DPP8: variants seen among roughly 807,000 people sequenced by gnomAD.
DPP8 encodes the protein dipeptidyl peptidase 8.
DPP8 carries 31 observed loss-of-function variants against 107.5 expected under a neutral mutation model. The observed-to-expected ratio is 0.29, with a 90% CI of 0.22 to 0.39. The LOEUF (loss-of-function observed/expected upper bound fraction) is 0.39, where lower values mean the gene tolerates loss of function less well. Among genes scored for constraint, DPP8 ranks in the 10% least tolerant of loss-of-function variants. The pLI is 1.00. For missense variants in DPP8, 842 were observed against 1,076.1 expected (o/e 0.78, Z 3.04); for synonymous variants, 381 against 356.6 (o/e 1.07, Z -0.77).
rs2063935875 is a variant in DPP8 at position 65,451,028 on chromosome 15, C to T, written c.2497G>A (p.Val833Met). ...AAATCATATGGCTTTCCAGCCCTCA[C>T]TAAAAAACTCAGTAATATACTGGTA... ...AHTSILLSFL[V>M]RAGKPYDLQI... Residue 833 changes from valine to methionine, a missense_variant, in exon 19 of 20, where the codon GTG becomes ATG. By Grantham distance (21) the Val-to-Met change is conservative. This residue lies in a region of DPP8 where 179 missense variants were observed against 318.0 expected (regional missense o/e 0.56). Coordinates refer to ENST00000300141, the MANE Select transcript of DPP8 (RefSeq NM_130434.5). 1 of 1,609,290 alleles carries T rather than the reference C, an allele frequency of 6.2e-7. No homozygotes were observed. Among genetic ancestry groups the T allele is most frequent in the Non-Finnish European group, 8.5e-7 (1 of 1,176,314 alleles).
intron 12 of DPP8, among the ~76,000 whole-genome samples, chr15:65,473,306 C>A (rs1458706677): frequency 7.4e-6 from 1 of 134,614 alleles, no homozygotes; most frequent in Non-Finnish European, 1.5e-5. Context: ...ACCTGGGCGA[C>A]AGAGTGAGAC....
chr15:65,475,361 T>C, intron 11 of DPP8: 3 of 1,376,480 alleles, frequency 2.2e-6, no homozygotes, highest in South Asian at 1.2e-5. Flanking sequence ...AGTGTGGGCT[T>C]TGGAGGAACA....
rs767781396 is a variant in DPP8 at position 65,487,677 on chromosome 15, T to A, written c.955+13A>T. On this transcript the variant is annotated intron_variant, in intron 7 of 19. Transcript: ENST00000300141. ...GGAAATGAGTGAATATAAATGCCAA[T>A]GGAGTACAGTACCTGTTTTAGGATA... 1 of 1,600,302 alleles carries A rather than the reference T, an allele frequency of 6.2e-7. No individual in the cohort carries two copies. Among genetic ancestry groups the A allele is most frequent in the Admixed American group, 1.8e-5 (1 of 56,852 alleles).
intron 3 of DPP8, among the ~76,000 whole-genome samples, chr15:65,503,398 G>A (rs1242729048): frequency 6.6e-6 from 1 of 151,106 alleles, no homozygotes; most frequent in African/African-American, 2.4e-5. Flanking sequence ...GAGCCACCAT[G>A]CCCAGCCTGA....
chr15:65,506,046 G>C (rs1337547665), intron 3 of DPP8, among the ~76,000 whole-genome samples: 1 of 151,200 alleles, frequency 6.6e-6, no homozygotes, highest in Non-Finnish European at 1.5e-5. Flanking sequence ...GAAATACTCG[G>C]CCAAGGCCGG....
rs377279610 is a variant in DPP8, at chr15:65,485,051, T to C, written c.1017+48A>G. On this transcript the variant is annotated intron_variant, in intron 8 of 19. Transcript: ENST00000300141. ...TATCAAAGAACCCTACTGGGCTGAA[T>C]AGATTAGTCAAATGACGCAGAAGGT... The C allele has an allele frequency of 3.5e-6, 5 of 1,430,078 alleles. No individual in the cohort carries two copies. In the African/African-American group the frequency reaches 4.2e-5, roughly 12 times the overall value. The allele number at this position is 1,430,078 out of a possible 1,614,324, so 88.6% of individuals were successfully genotyped here.
At chr15:65,500,841 C>A in intron 3 of DPP8, 62 bp from the exon 4 acceptor site, 28 of 1,024,538 alleles carry the variant, frequency 2.7e-5, no homozygotes, top group Non-Finnish European at 3.7e-5. Context: ...GCTTTTAGCA[C>A]TGAAATCCTA....
chr15:65,500,538 T>G, intron 4 of DPP8, 68 bp downstream of exon 4: 1 of 1,291,896 alleles, frequency 7.7e-7, no homozygotes, highest in South Asian at 1.4e-5. Context: ...ATTAATTACC[T>G]TTCTGCTTTG....
At chr15:65,462,313 T>C (rs968313719) in intron 15 of DPP8, among the ~76,000 whole-genome samples, 9 of 152,186 alleles carry the variant, frequency 5.9e-5, no homozygotes, top group African/African-American at 2.2e-4. Flanking sequence ...ATGTCAATCA[T>C]ATTTTGTTTG....
intron 8 of DPP8, among the ~76,000 whole-genome samples, chr15:65,483,051 C>G (rs1050510082): frequency 6.6e-6 from 1 of 151,722 alleles, no homozygotes; most frequent in South Asian, 2.1e-4. Context: ...GAGACGAGAT[C>G]GCACCACTGC....
At position 65,466,659 on chromosome 15, in the gene DPP8, CA is replaced by C. The variant is rs773500306; in HGVS notation, c.1825+18del. On this transcript the variant is annotated intron_variant, in intron 14 of 19. Transcript: ENST00000300141. ...TATTAATCCTACTTAACGTCAGGAT[CA>C]GGGGGAAAAAAGAATACCTGCTGAA... 80 of 1,610,016 alleles carry C rather than the reference CA, an allele frequency of 5.0e-5. No individual in the cohort carries two copies. Among genetic ancestry groups the C allele is most frequent in the East Asian group, 2.0e-4 (9 of 44,872 alleles).
intron 4 of DPP8, among the ~76,000 whole-genome samples, chr15:65,499,883 T>C (rs191524587): frequency 3.3e-5 from 5 of 152,302 alleles, no homozygotes; most frequent in East Asian, 1.9e-4. Context: ...GGTATCTTAA[T>C]GTAACTAGAA....
intron 18 of DPP8, 124 bp downstream of exon 18, chr15:65,451,836 G>A (rs2064000413): frequency 3.1e-6 from 3 of 955,990 alleles, no homozygotes; most frequent in Non-Finnish European, 4.4e-6. Flanking sequence ...GAGGTGGGAG[G>A]ATCCTCTGAG....
chr15:65,451,106 T>C lies in DPP8; in HGVS notation c.2419A>G (p.Asn807Asp), dbSNP rs921508268. Residue 807 changes from asparagine to aspartate, a missense_variant, in exon 19 of 20, where the codon AAT (asparagine) becomes GAT (aspartate). Asn to Asp is a conservative substitution (Grantham distance 23). This residue lies in a region of DPP8 where 179 missense variants were observed against 318.0 expected (regional missense o/e 0.56). Coordinates refer to ENST00000300141, the MANE Select transcript of DPP8 (RefSeq NM_130434.5). The stretch of plus-strand genomic sequence containing the variant: ...AAACCATGTAAGAGCAGTAAACGAT[T>C]TGGTCTGGAGAAATGGAAATATTAG... ...MQAEKFPSEP[N>D]RLLLLHGFLD... 1 of 1,601,230 alleles carries C rather than the reference T, an allele frequency of 6.2e-7. No individual in the cohort carries two copies. The highest frequency in any genetic ancestry group is 8.6e-7 in the Non-Finnish European group (1 of 1,169,178).
intron 19 of DPP8, among the ~76,000 whole-genome samples, chr15:65,447,938 A>C (rs2063590489): frequency 6.6e-6 from 1 of 152,354 alleles, no homozygotes; most frequent in African/African-American, 2.4e-5. Context: ...GTACAATAAA[A>C]GGAGTCAATA....
intron 8 of DPP8, among the ~76,000 whole-genome samples, chr15:65,483,935 T>C (rs889413646): frequency 2.0e-5 from 3 of 152,194 alleles, no homozygotes; most frequent in African/African-American, 7.2e-5. Flanking sequence ...GGATGGACCT[T>C]GAAAACAATC....
chr15:65,456,629 C>G lies in DPP8; in HGVS notation c.1972-258G>C, dbSNP rs77324749. On this transcript the variant is annotated intron_variant, in intron 15 of 19. Transcript: ENST00000300141. ...AAATATTAATTACATATAAGTGAAT[C>G]AACCCACCCCATATAAAAAGTTACT... 5.8e-4 allele frequency among the ~76,000 whole-genome samples: 89 copies of G among 152,254 alleles called. 2 individuals carry two copies. The East Asian group carries it at 0.014, about 24-fold the overall frequency.
At chr15:65,469,037 G>A (rs1055033091) in intron 12 of DPP8, among the ~76,000 whole-genome samples, 1 of 152,020 alleles carries the variant, frequency 6.6e-6, no homozygotes, top group Non-Finnish European at 1.5e-5. Flanking sequence ...GTGCAGTGGC[G>A]CGATCTCGGC....
At position 65,471,596 on chromosome 15, in the gene DPP8, C is replaced by G. The variant is rs192821584; in HGVS notation, c.1536+2613G>C. ...CAAACTCCTGGGCTAAAGCAATCCT[C>G]TTGTCTTGGCCTCCCAAAGTGCTGC... On this transcript the variant is annotated intron_variant, in intron 12 of 19. Coordinates refer to ENST00000300141, the MANE Select transcript of DPP8 (RefSeq NM_130434.5). Among the ~76,000 whole-genome samples the G allele has an allele frequency of 2.0e-5, 3 of 150,686 alleles. No individual in the cohort carries two copies. In the East Asian group the frequency reaches 5.9e-4, roughly 30 times the overall value.
Sources: allele counts gnomAD v4.1 joint callset (sites outside exome capture counted in the v4.1 genomes callset), GRCh38; gene constraint gnomAD v4.1.1; regional missense constraint gnomAD v4.1.1; transcripts MANE v1.5; gene names NCBI Gene and HGNC (gene_info 2026-07-23, HGNC 2026-07-21).